The following PRRX2 variants were observed in gnomAD, a reference collection of about 807,000 sequenced individuals.
PRRX2 encodes the protein paired related homeobox 2.
PRRX2 carries 11 observed loss-of-function variants against 18.0 expected under a neutral mutation model. The observed-to-expected ratio is 0.61, with a 90% CI of 0.39 to 1.01. The LOEUF (loss-of-function observed/expected upper bound fraction) is 1.01, where lower values mean the gene tolerates loss of function less well. PRRX2 is among the 50% of genes least tolerant of loss of function. The pLI, the probability that PRRX2 is intolerant of heterozygous loss-of-function variation, is 0.01. For missense variants in PRRX2, 387 were observed against 351.0 expected, an observed-to-expected ratio of 1.10 and a Z score of -0.82; for synonymous variants, 177 against 154.8, an observed-to-expected ratio of 1.14 and a Z score of -1.06.
rs201665194 is a variant in PRRX2 at position 129,719,274 on chromosome 9, G to A, written c.303G>A (p.Lys101=). Residue 101 remains lysine, a synonymous_variant, in exon 2 of 4, where the codon AAG becomes AAA. Coordinates refer to ENST00000372469, the MANE Select transcript of PRRX2 (RefSeq NM_016307.4). ...GGCGCGGTAGCGCCGCCAAGCGGAA[G>A]AAGAAGCAGCGGCGGAACCGCACCA... ...SPGRGSAAKR[K]KKQRRNRTTF... is the part of the protein sequence containing the mutation. 5.0e-6 allele frequency: 8 copies of A among 1,609,158 alleles called. No homozygotes were observed. In the East Asian group the frequency reaches 1.8e-4, roughly 36 times the overall value.
At chr9:129,678,686 A>G (rs544089433) in intron 1 of PRRX2, among the ~76,000 whole-genome samples, 3 of 152,152 alleles carry the variant, frequency 2.0e-5, no homozygotes, top group Non-Finnish European at 4.4e-5. Flanking sequence ...GGGGCCTGTG[A>G]TCTGGCAGAC....
At chr9:129,679,390 C>G (rs1832200753) in intron 1 of PRRX2, among the ~76,000 whole-genome samples, 1 of 152,110 alleles carries the variant, frequency 6.6e-6, no homozygotes, top group African/African-American at 2.4e-5. Context: ...ATCGTCGGCC[C>G]CATGATCCAA....
intron 1 of PRRX2, among the ~76,000 whole-genome samples, chr9:129,677,592 T>A (rs557001623): frequency 3.1e-4 from 47 of 152,276 alleles, no homozygotes; most frequent in Admixed American, 9.8e-4. Flanking sequence ...ATGCAGACAC[T>A]GGGCCGTGGC....
At chr9:129,718,212 C>T (rs1184661462) in intron 1 of PRRX2, among the ~76,000 whole-genome samples, 2 of 152,134 alleles carry the variant, frequency 1.3e-5, no homozygotes, top group African/African-American at 2.4e-5. Context: ...TGCTGGGATC[C>T]TCCACCGCCC....
At position 129,721,582 on chromosome 9, in the gene PRRX2, TTATG is replaced by T. The variant is rs1198003444; in HGVS notation, c.627-631_627-628del. Among the ~76,000 whole-genome samples, 6 of 151,096 alleles carry T rather than the reference TTATG, an allele frequency of 4.0e-5. No homozygotes were observed. The East Asian group carries it at 5.9e-4, about 15-fold the overall frequency. On this transcript the variant is annotated intron_variant, in intron 3 of 3. Coordinates refer to ENST00000372469, the MANE Select transcript of PRRX2 (RefSeq NM_016307.4). ...AAAACCAAGGGGCATCCTTATTTATTTATGTATTTATTTTTGAGACAGAGTCTCG... is the reference window on the plus strand; with the variant it reads ...AAAACCAAGGGGCATCCTTATTTATTTATTTATTTTTGAGACAGAGTCTCG...
chr9:129,667,415 C>T (rs1352633939), intron 1 of PRRX2, among the ~76,000 whole-genome samples: 4 of 152,190 alleles, frequency 2.6e-5, no homozygotes, highest in East Asian at 1.9e-4. Context: ...AGGACCTCAG[C>T]GGCTCTGAGC....
chr9:129,712,419 A>G (rs889600182), intron 1 of PRRX2, among the ~76,000 whole-genome samples: 6 of 152,162 alleles, frequency 3.9e-5, no homozygotes, highest in Admixed American at 1.3e-4. Flanking sequence ...CCTCCAGACT[A>G]TTTAGACCCT....
rs3138854 is a variant in PRRX2 at position 129,699,439 on chromosome 9, A to ATGTGTGTGTGTGTG, written c.260-19772_260-19759dup. Among the ~76,000 whole-genome samples the ATGTGTGTGTGTGTG allele has an allele frequency of 7.4e-3, 1,072 of 145,582 alleles. 13 individuals are homozygous for ATGTGTGTGTGTGTG. Among genetic ancestry groups the ATGTGTGTGTGTGTG allele is most frequent in the African/African-American group, 0.026 (1,027 of 39,554 alleles). ...ACTCTGTCTCAAAAAAAATATATAT[A>ATGTGTGTGTGTGTG]TGTGTGTGTGTGTGTGTGTGTGTGT... is the stretch of plus-strand genomic sequence containing the variant. On this transcript the variant is annotated intron_variant, in intron 1 of 3. Transcript: ENST00000372469.
intron 1 of PRRX2, among the ~76,000 whole-genome samples, chr9:129,716,454 CT>C (rs71497484): frequency 0.11 from 14,923 of 137,032 alleles, 1,616 homozygotes; most frequent in East Asian, 0.28. Flanking sequence ...TGCTTTCTTT[CT>C]TTTTTTTTTT....
At chr9:129,704,106 A>T (rs1832531442) in intron 1 of PRRX2, among the ~76,000 whole-genome samples, 1 of 152,218 alleles carries the variant, frequency 6.6e-6, no homozygotes, top group African/African-American at 2.4e-5. Flanking sequence ...ACAACATTGC[A>T]TGCAAACTTT....
At chr9:129,689,468 G>A (rs1832333088) in intron 1 of PRRX2, among the ~76,000 whole-genome samples, 1 of 152,214 alleles carries the variant, frequency 6.6e-6, no homozygotes, top group East Asian at 1.9e-4. Context: ...GTTTGCTTGA[G>A]TTATCACCAA....
At chr9:129,684,460 C>CACACACACACAGACACA (rs1415884580) in intron 1 of PRRX2, among the ~76,000 whole-genome samples, 1 of 125,098 alleles carries the variant, frequency 8.0e-6, no homozygotes, top group Non-Finnish European at 1.7e-5. Flanking sequence ...ACACACACAC[C>CACACACACACAGACACA]CAACAGAAAA....
chr9:129,686,620 T>G (rs1282216450), intron 1 of PRRX2, among the ~76,000 whole-genome samples: 1 of 152,114 alleles, frequency 6.6e-6, no homozygotes, highest in Non-Finnish European at 1.5e-5. Flanking sequence ...GGCATGAGCC[T>G]CCCACCTCAG....
chr9:129,690,946 T>G (rs573043619), intron 1 of PRRX2, among the ~76,000 whole-genome samples: 1 of 152,136 alleles, frequency 6.6e-6, no homozygotes, highest in African/African-American at 2.4e-5. Flanking sequence ...TAGAGTGGTG[T>G]GCTTGTGCCC....
At position 129,665,725 on chromosome 9, in the gene PRRX2, C is replaced by G; in HGVS notation, c.-143C>G. 1 of 558,982 alleles carries G rather than the reference C, an allele frequency of 1.8e-6. No homozygotes were observed. Among genetic ancestry groups the G allele is most frequent in the Non-Finnish European group, 2.3e-6 (1 of 437,500 alleles). The allele number at this position is 558,982 out of a possible 1,614,324, so 34.6% of individuals were successfully genotyped here. On this transcript the variant is annotated 5_prime_UTR_variant, in exon 1 of 4. Coordinates refer to ENST00000372469, the MANE Select transcript of PRRX2 (RefSeq NM_016307.4). The surrounding 1 kb of genome is among the most constrained non-coding windows in gnomAD (Gnocchi z 5.3). The stretch of plus-strand genomic sequence containing the variant: ...AAAGTTTGTTTCCCCGACGTCAGCG[C>G]CGGGCGGGCCGCGAGGCTAGGAGGC...
At chr9:129,666,529 C>T (rs1478182792) in intron 1 of PRRX2, among the ~76,000 whole-genome samples, 2 of 151,678 alleles carry the variant, frequency 1.3e-5, no homozygotes, top group East Asian at 1.9e-4. Flanking sequence ...AGCTCCTCCT[C>T]GGTCTTAAGT....
intron 1 of PRRX2, among the ~76,000 whole-genome samples, chr9:129,692,489 C>T (rs750109824): frequency 1.3e-5 from 2 of 152,140 alleles, no homozygotes; most frequent in Non-Finnish European, 2.9e-5. Flanking sequence ...CATAATGACA[C>T]GGATCCACCA....
At chr9:129,705,680 C>T (rs933562044) in intron 1 of PRRX2, among the ~76,000 whole-genome samples, 2 of 152,012 alleles carry the variant, frequency 1.3e-5, no homozygotes, top group African/African-American at 4.8e-5. Context: ...CTCAAGGATC[C>T]TGGGCTCAGA....
At chr9:129,718,303 G>A (rs1832741195) in intron 1 of PRRX2, among the ~76,000 whole-genome samples, 1 of 152,148 alleles carries the variant, frequency 6.6e-6, no homozygotes, top group Non-Finnish European at 1.5e-5. Flanking sequence ...CCCTTTGCAA[G>A]CTCCACCTCT....
Sources: gnomAD v4.1 joint callset for allele counts (sites outside exome capture counted in the v4.1 genomes callset) on GRCh38, gnomAD v4.1.1 for gene constraint, Gnocchi (gnomAD v3.1) non-coding constraint, MANE v1.5 for transcripts, NCBI Gene and HGNC (gene_info 2026-07-23, HGNC 2026-07-21) for gene names.